Variants in DSCAML1 observed in about 807,000 individuals in gnomAD.
DSCAML1 encodes DS cell adhesion molecule like 1, also known as cell adhesion molecule DSCAML1.
DSCAML1 carries 38 observed loss-of-function variants against 200.5 expected under a neutral mutation model. The observed-to-expected ratio is 0.19, with a 90% confidence interval of 0.15 to 0.25. The LOEUF (loss-of-function observed/expected upper bound fraction) is 0.25. DSCAML1 is among the 10% of genes least tolerant of loss of function. The pLI, the probability that DSCAML1 is intolerant of heterozygous loss-of-function variation, is 1.00. For synonymous variants in DSCAML1, 1,215 were observed against 1,165.0 expected, an observed-to-expected ratio of 1.04 and a Z score of -0.87; for missense variants, 2,223 against 2,858.8, an observed-to-expected ratio of 0.78 and a Z score of 5.07.
intron 3 of DSCAML1, among the ~76,000 whole-genome samples, chr11:117,667,317 C>T (rs2052999382): frequency 6.6e-6 from 1 of 152,168 alleles, no homozygotes; most frequent in Non-Finnish European, 1.5e-5. Context: ...GAGGTTGAGG[C>T]ACGATAATTG....
At chr11:117,595,123 A>G (rs1056759099) in intron 3 of DSCAML1, among the ~76,000 whole-genome samples, 9 of 151,492 alleles carry the variant, frequency 5.9e-5, no homozygotes, top group African/African-American at 2.2e-4. Context: ...TTCTCTGAAG[A>G]GATGAGGGTG....
Position 117,504,809 on chromosome 11 carries a change from G to A in DSCAML1, c.2182+115C>T, listed in dbSNP as rs148424269. ...GGGGTCCACTGGGGTGCAGACCAGA[G>A]GACTCCCATCCAGGGATAGGAGTTG... On this transcript the variant is annotated intron_variant, in intron 10 of 32. Coordinates refer to ENST00000651296, the MANE Select transcript of DSCAML1 (RefSeq NM_020693.4). The surrounding 1 kb of genome is among the most constrained non-coding windows in gnomAD (Gnocchi z 5.0). The A allele has an allele frequency of 7.2e-6, 10 of 1,383,050 alleles. No individual in the cohort carries two copies. The Admixed American group carries it at 2.5e-4, about 34-fold the overall frequency. The allele number at this position is 1,383,050 out of a possible 1,614,324, so 85.7% of individuals were successfully genotyped here. A position where few individuals can be genotyped will look rare whatever the true frequency, so the allele number is the denominator to read the frequency against.
At chr11:117,522,868 C>T (rs1210867457) in intron 5 of DSCAML1, among the ~76,000 whole-genome samples, 1 of 152,096 alleles carries the variant, frequency 6.6e-6, no homozygotes, top group Non-Finnish European at 1.5e-5. Context: ...GAGAGGCTGG[C>T]AGATGGAGAA....
intron 3 of DSCAML1, among the ~76,000 whole-genome samples, chr11:117,640,291 C>A (rs913481891): frequency 2.0e-5 from 3 of 152,238 alleles, no homozygotes; most frequent in Non-Finnish European, 4.4e-5. Context: ...CATCGCTGAG[C>A]CAGCCCTCTG....
At chr11:117,508,099 C>T (rs1279316148) in intron 8 of DSCAML1, among the ~76,000 whole-genome samples, 2 of 152,126 alleles carry the variant, frequency 1.3e-5, no homozygotes, top group African/African-American at 4.8e-5. Context: ...AGCAGAGACC[C>T]AGATGTGCCG....
chr11:117,520,617 T>A (rs1430387747), intron 6 of DSCAML1, among the ~76,000 whole-genome samples: 1 of 147,456 alleles, frequency 6.8e-6, no homozygotes, highest in East Asian at 2.0e-4. Flanking sequence ...GCAAAATGGG[T>A]AACATCATTA....
intron 3 of DSCAML1, among the ~76,000 whole-genome samples, chr11:117,615,002 A>G (rs943838117): frequency 6.6e-6 from 1 of 152,190 alleles, no homozygotes; most frequent in Admixed American, 6.5e-5. Flanking sequence ...TTGGCACCAG[A>G]TAATTTTGCA....
At chr11:117,471,760 G>A (rs142831146) in intron 15 of DSCAML1, 109 bp downstream of exon 15, 93 of 1,185,092 alleles carry the variant, frequency 7.8e-5, no homozygotes, top group Non-Finnish European at 1.0e-4. Flanking sequence ...TTTTCCCCAC[G>A]CCACCCCCTT....
intron 3 of DSCAML1, among the ~76,000 whole-genome samples, chr11:117,743,528 T>G (rs930012001): frequency 2.0e-5 from 3 of 152,190 alleles, no homozygotes; most frequent in Non-Finnish European, 2.9e-5. Flanking sequence ...ACATACAGGA[T>G]GCTGAGCAGC....
At position 117,780,294 on chromosome 11, in the gene DSCAML1, A is replaced by AAGAAAGAC. The variant is rs1565280972; in HGVS notation, c.364+198_364+199insGTCTTTCT. Among the ~76,000 whole-genome samples, 50 of 106,722 alleles carry AAGAAAGAC rather than the reference A, an allele frequency of 4.7e-4. No homozygotes were observed. The highest frequency in any genetic ancestry group is 9.9e-4 in the African/African-American group (32 of 32,230). 70.0% of individuals were successfully genotyped at this position (106,722 alleles called of 152,430 possible). ...AAAGAAAGAAAGAAAGAAAGAAAGA[A>AAGAAAGAC]AGAAAGAAAGAGAGAAAGGAGAAAG... On this transcript the variant is annotated intron_variant, in intron 2 of 32. Coordinates refer to ENST00000651296, the MANE Select transcript of DSCAML1 (RefSeq NM_020693.4). The surrounding 1 kb of genome is among the most constrained non-coding windows in gnomAD (Gnocchi z 4.8).
intron 3 of DSCAML1, among the ~76,000 whole-genome samples, chr11:117,568,208 T>C (rs1272076810): frequency 6.6e-6 from 1 of 152,222 alleles, no homozygotes; most frequent in African/African-American, 2.4e-5. Flanking sequence ...AAATTAGGTA[T>C]TGATGGGATG....
At chr11:117,467,705 G>C (rs569413218) in intron 16 of DSCAML1, among the ~76,000 whole-genome samples, 116 of 152,140 alleles carry the variant, frequency 7.6e-4, no homozygotes, top group Non-Finnish European at 1.4e-3. Flanking sequence ...TCTGCTTGCT[G>C]CTCTGTAAGT....
At chr11:117,542,332 A>AACAACAACAAC in intron 3 of DSCAML1, among the ~76,000 whole-genome samples, 1 of 132,260 alleles carries the variant, frequency 7.6e-6, no homozygotes, top group Admixed American at 7.2e-5. Context: ...CAAAACACAA[A>AACAACAACAAC]AACAACAACA....
chr11:117,788,884 C>T (rs146246936), intron 1 of DSCAML1, among the ~76,000 whole-genome samples: 28 of 152,254 alleles, frequency 1.8e-4, no homozygotes, highest in African/African-American at 5.1e-4. Flanking sequence ...TCAGACCATC[C>T]CCATGGTGTG....
At chr11:117,686,845 C>CGATGAT (rs1024537092) in intron 3 of DSCAML1, among the ~76,000 whole-genome samples, 32 of 152,220 alleles carry the variant, frequency 2.1e-4, no homozygotes, top group African/African-American at 7.2e-4. Context: ...CTGATGATGA[C>CGATGAT]GATGATGATG....
Position 117,428,468 on chromosome 11 carries a change from T to A in DSCAML1, c.6022A>T (p.Thr2008Ser). ...APSAAPPAPSTEPPRAGGPHT... is the reference protein window; with the variant it reads ...APSAAPPAPSSEPPRAGGPHT... ...GGGCCCCCGGCTCGTGGAGGCTCGG[T>A]GCTGGGGGCCGGAGGGGCAGCGCTG... Residue 2008 changes from threonine to serine, a missense_variant, in exon 33 of 33, where the codon ACC becomes TCC. Physicochemically the swap from Thr to Ser is moderately conservative, Grantham distance 58. Around this residue, in one of 7 missense-constraint regions of DSCAML1, gnomAD observed 280 missense variants for 213.4 expected, o/e 1.31. Transcript: ENST00000651296. 1 of 1,508,536 alleles carries A rather than the reference T, an allele frequency of 6.6e-7. No individual in the cohort carries two copies. The highest frequency in any genetic ancestry group is 8.9e-7 in the Non-Finnish European group (1 of 1,127,854). 93.4% of individuals were successfully genotyped at this position (1,508,536 alleles called of 1,614,324 possible). A position where few individuals can be genotyped will look rare whatever the true frequency, so the allele number is the denominator to read the frequency against.
intron 3 of DSCAML1, among the ~76,000 whole-genome samples, chr11:117,739,411 G>C (rs545133618): frequency 2.4e-4 from 37 of 152,314 alleles, no homozygotes; most frequent in Admixed American, 1.4e-3. Flanking sequence ...CCCCCCAGCC[G>C]ATACTGTTGT....
At chr11:117,771,632 C>T (rs1035281558) in intron 3 of DSCAML1, among the ~76,000 whole-genome samples, 5 of 152,184 alleles carry the variant, frequency 3.3e-5, no homozygotes, top group Non-Finnish European at 5.9e-5. Flanking sequence ...AGAGAGGCGG[C>T]GGGAAGTAGA....
At chr11:117,802,211 C>G (rs1172479814), upstream of DSCAML1, among the ~76,000 whole-genome samples, 1 of 152,228 alleles carries the variant, frequency 6.6e-6, no homozygotes, top group Non-Finnish European at 1.5e-5. Flanking sequence ...CCAGTGCCCC[C>G]CTTTTTCACC....
Sources: gnomAD v4.1 joint callset for allele counts (sites outside exome capture counted in the v4.1 genomes callset) on GRCh38, gnomAD v4.1.1 for gene constraint, gnomAD v4.1.1 regional missense constraint, Gnocchi (gnomAD v3.1) non-coding constraint, MANE v1.5 for transcripts, NCBI Gene and HGNC (gene_info 2026-07-23, HGNC 2026-07-21) for gene names.